Variants in ZNF532 observed in about 807,000 individuals in gnomAD.
ZNF532 encodes the protein zinc finger protein 532.
Under a neutral mutation model 89.3 loss-of-function variants are expected in ZNF532, and 22 were observed. That is an observed-to-expected ratio of 0.25 (90% CI 0.18 to 0.35). The LOEUF (loss-of-function observed/expected upper bound fraction) is 0.35. Ranked by LOEUF, ZNF532 falls within the 10% of genes least tolerant of loss-of-function variation. ZNF532 has a pLI of 1.00. For missense variants in ZNF532, 1,132 were observed against 1,643.4 expected, an observed-to-expected ratio of 0.69 and a Z score of 5.38; for synonymous variants, 606 against 649.6, an observed-to-expected ratio of 0.93 and a Z score of 1.02.
At position 58,918,702 on chromosome 18, in the gene ZNF532, G is replaced by C. The variant is rs1298478403; in HGVS notation, c.415G>C (p.Asp139His). Reference protein sequence around the residue: ...FSPISSAEEFDDDEKIEVDDP... With the variant: ...FSPISSAEEFHDDEKIEVDDP... ...CCCGATCTCCAGTGCTGAAGAGTTT[G>C]ATGACGACGAGAAGATTGAGGTGGA... The change falls in exon 3 of 10, where the codon GAT becomes CAT. Residue 139 changes from aspartate (D) to histidine (H), a missense_variant. By Grantham distance (81) the Asp-to-His change is moderately conservative. Around this residue, in one of 9 missense-constraint regions of ZNF532, gnomAD observed 302 missense variants for 319.8 expected, o/e 0.94. Transcript: ENST00000591808. The C allele has an allele frequency of 6.2e-7, 1 of 1,614,184 alleles. No individual in the cohort carries two copies. Among genetic ancestry groups the C allele is most frequent in the Non-Finnish European group, 8.5e-7 (1 of 1,180,046 alleles).
At chr18:58,864,815 C>T (rs1251151951), upstream of ZNF532, 3 of 152,208 alleles carry the variant, frequency 2.0e-5, no homozygotes, top group Non-Finnish European at 4.4e-5. Flanking sequence ...GTGACCAGAA[C>T]CGGCTGAAAC....
rs1360115032 is a variant in ZNF532 at position 58,985,683 on chromosome 18, CTGAG to C, written c.*1218_*1221del. ...TTCTGTCCCTTCCGTTTATAGTTCT[CTGAG>C]AGAGTTCTATTTTTTGGTTTTGTTT... On this transcript the variant is annotated 3_prime_UTR_variant, in exon 10 of 10. Coordinates refer to ENST00000591808, the MANE Select transcript of ZNF532 (RefSeq NM_001375912.1). 6.6e-6 allele frequency: 1 copy of C among 151,956 alleles called. No individual in the cohort carries two copies. Among genetic ancestry groups the C allele is most frequent in the Non-Finnish European group, 1.5e-5 (1 of 67,962 alleles). The allele number at this position is 151,956 out of a possible 1,614,324, so 9.4% of individuals were successfully genotyped here. A position where few individuals can be genotyped will look rare whatever the true frequency, so the allele number is the denominator to read the frequency against.
At chr18:58,923,375 T>C (rs578201020) in intron 3 of ZNF532, among the ~76,000 whole-genome samples, 1 of 151,586 alleles carries the variant, frequency 6.6e-6, no homozygotes, top group Non-Finnish European at 1.5e-5. Flanking sequence ...TCAGCCAGAC[T>C]GTGTCACTCA....
At chr18:58,913,167 C>T (rs116122521) in intron 2 of ZNF532, among the ~76,000 whole-genome samples, 11 of 152,172 alleles carry the variant, frequency 7.2e-5, no homozygotes, top group Admixed American at 5.2e-4. Flanking sequence ...ATACAATGTG[C>T]AGAGCCTTGG....
chr18:58,904,308 C>A (rs182924420), intron 2 of ZNF532, among the ~76,000 whole-genome samples: 2 of 150,996 alleles, frequency 1.3e-5, no homozygotes, highest in African/African-American at 4.9e-5. Flanking sequence ...GCCGAGATCA[C>A]GCCACTGCAT....
At chr18:58,885,521 T>TA (rs1284048221) in intron 2 of ZNF532, among the ~76,000 whole-genome samples, 1 of 152,094 alleles carries the variant, frequency 6.6e-6, no homozygotes, top group African/African-American at 2.4e-5. Context: ...AACCTACACT[T>TA]ATGTGGATGA....
chr18:58,888,898 T>TAAA (rs1369173525), intron 2 of ZNF532, among the ~76,000 whole-genome samples: 1 of 78,984 alleles, frequency 1.3e-5, no homozygotes, highest in Non-Finnish European at 2.4e-5. Context: ...ATTTTATATA[T>TAAA]ATATATATAT....
intron 5 of ZNF532, among the ~76,000 whole-genome samples, chr18:58,946,192 C>A (rs1651198253): frequency 6.6e-6 from 1 of 152,064 alleles, no homozygotes; most frequent in African/African-American, 2.4e-5. Flanking sequence ...GTGATCATAC[C>A]ATACATTCTA....
intron 2 of ZNF532, among the ~76,000 whole-genome samples, chr18:58,902,169 G>C (rs1297441418): frequency 1.3e-5 from 2 of 152,110 alleles, no homozygotes; most frequent in African/African-American, 4.8e-5. Context: ...CTGTGAGCCC[G>C]GCCCTGTGCA....
intron 2 of ZNF532, among the ~76,000 whole-genome samples, chr18:58,884,439 C>G (rs977598290): frequency 6.6e-6 from 1 of 152,126 alleles, no homozygotes; most frequent in Non-Finnish European, 1.5e-5. Context: ...GCTGATAGTT[C>G]GGAGCATTTC....
intron 2 of ZNF532, among the ~76,000 whole-genome samples, chr18:58,915,506 G>A (rs914025286): frequency 3.3e-5 from 5 of 152,194 alleles, no homozygotes; most frequent in African/African-American, 9.7e-5. Flanking sequence ...GGGTTTGCAG[G>A]CATGGGAGTT....
intron 7 of ZNF532, among the ~76,000 whole-genome samples, chr18:58,967,357 T>A (rs1387509270): frequency 6.6e-6 from 1 of 152,094 alleles, no homozygotes; most frequent in Non-Finnish European, 1.5e-5. Context: ...CCACCTCTCC[T>A]CCCCCTGGAC....
At chr18:58,958,834 C>T (rs1260903424) in intron 7 of ZNF532, among the ~76,000 whole-genome samples, 2 of 152,204 alleles carry the variant, frequency 1.3e-5, no homozygotes, top group Non-Finnish European at 2.9e-5. Flanking sequence ...GATCTCATCC[C>T]AGCCGTGAGC....
intron 2 of ZNF532, among the ~76,000 whole-genome samples, chr18:58,889,841 T>A (rs2058756506): frequency 6.6e-6 from 1 of 151,094 alleles, no homozygotes; most frequent in African/African-American, 2.4e-5. Flanking sequence ...TCCCAGCACT[T>A]TGGGAGGCCA....
At chr18:58,873,770 A>G (rs1056961381) in intron 2 of ZNF532, among the ~76,000 whole-genome samples, 1 of 152,160 alleles carries the variant, frequency 6.6e-6, no homozygotes, top group Admixed American at 6.6e-5. Context: ...GGGAGAGGTA[A>G]TTTGAAAACT....
chr18:58,973,356 G>A (rs1191886317), intron 7 of ZNF532, among the ~76,000 whole-genome samples: 3 of 152,194 alleles, frequency 2.0e-5, no homozygotes, highest in Non-Finnish European at 4.4e-5. Flanking sequence ...GCCCGCCTTG[G>A]CTTCCAAAGT....
intron 3 of ZNF532, among the ~76,000 whole-genome samples, chr18:58,931,941 AAAC>A (rs1161167146): frequency 6.6e-6 from 1 of 152,210 alleles, no homozygotes; most frequent in East Asian, 1.9e-4. Flanking sequence ...CACTATCTCA[AAAC>A]AACAACAATA....
At chr18:58,952,435 T>C (rs1189910481) in intron 6 of ZNF532, among the ~76,000 whole-genome samples, 1 of 152,216 alleles carries the variant, frequency 6.6e-6, no homozygotes, top group Non-Finnish European at 1.5e-5. Flanking sequence ...GACAGGGTCT[T>C]GCTCTGTTGC....
chr18:58,890,140 G>C (rs2058780798), intron 2 of ZNF532, among the ~76,000 whole-genome samples: 1 of 151,608 alleles, frequency 6.6e-6, no homozygotes, highest in Non-Finnish European at 1.5e-5. Context: ...CCAGCTACTT[G>C]GGAGGCTGAG....
Sources: allele counts gnomAD v4.1 joint callset (sites outside exome capture counted in the v4.1 genomes callset), GRCh38; gene constraint gnomAD v4.1.1; regional missense constraint gnomAD v4.1.1; transcripts MANE v1.5; gene names NCBI Gene and HGNC (gene_info 2026-07-23, HGNC 2026-07-21).